ABLIM2: variants seen among roughly 807,000 people sequenced by gnomAD.
ABLIM2 encodes actin-binding LIM protein 2.
ABLIM2 carries 53 observed loss-of-function variants against 97.7 expected under a neutral mutation model. The ratio of observed to expected loss-of-function variants is 0.54; its 90% CI spans 0.44 to 0.68. The LOEUF (loss-of-function observed/expected upper bound fraction) is 0.68. Ranked by LOEUF, ABLIM2 falls within the 30% of genes least tolerant of loss-of-function variation. The pLI is 0.00. For missense variants in ABLIM2, 835 were observed against 867.2 expected, an observed-to-expected ratio of 0.96 and a Z score of 0.47; for synonymous variants, 361 against 345.8, an observed-to-expected ratio of 1.04 and a Z score of -0.49.
rs969536447 is a variant in ABLIM2 at position 8,023,682 on chromosome 4, G to C, written c.1268-3379C>G. On this transcript the variant is annotated intron_variant, in intron 12 of 20. Transcript: ENST00000447017. The surrounding 1 kb of genome is among the most constrained non-coding windows in gnomAD (Gnocchi z 5.7). ...TCCACATGTCAGGAGTGGGAGTTACGACCCCCTCCTGGAGGACGAGGCATC... is the reference window on the plus strand; with the variant it reads ...TCCACATGTCAGGAGTGGGAGTTACCACCCCCTCCTGGAGGACGAGGCATC... 6.6e-6 allele frequency among the ~76,000 whole-genome samples: 1 copy of C among 152,320 alleles called. No homozygotes were observed. The highest frequency in any genetic ancestry group is 2.1e-4 in the South Asian group (1 of 4,822).
chr4:7,998,621 G>A lies in ABLIM2; in HGVS notation c.1619-5694C>T. ...GTGCCTGCTGGCCACCTGCCCATCT[G>A]CTAGTGTGGCTGCAGGAGGAAAACA... is the stretch of plus-strand genomic sequence containing the variant. On this transcript the variant is annotated intron_variant, in intron 16 of 20. Transcript: ENST00000447017. The surrounding 1 kb of genome is among the most constrained non-coding windows in gnomAD (Gnocchi z 6.4). The A allele has an allele frequency of 2.0e-6, 1 of 503,540 alleles. No individual in the cohort carries two copies. Among genetic ancestry groups the A allele is most frequent in the Non-Finnish European group, 4.0e-6 (1 of 252,732 alleles). The allele number at this position is 503,540 out of a possible 1,614,324, so 31.2% of individuals were successfully genotyped here. A position where few individuals can be genotyped will look rare whatever the true frequency, so the allele number is the denominator to read the frequency against.
chr4:8,158,752 G>C lies in ABLIM2; in HGVS notation c.-63C>G, dbSNP rs1235874499. ...CGACAGCCAGACCCTCGGGCCCGCAGGTGCCGCGCCCGCGCTATCCTCCGC... is the reference window on the plus strand; with the variant it reads ...CGACAGCCAGACCCTCGGGCCCGCACGTGCCGCGCCCGCGCTATCCTCCGC... On this transcript the variant is annotated 5_prime_UTR_variant, in exon 1 of 21. Transcript: ENST00000447017. 1.5e-6 allele frequency: 2 copies of C among 1,331,488 alleles called. No individual in the cohort carries two copies. The highest frequency in any genetic ancestry group is 1.9e-6 in the Non-Finnish European group (2 of 1,043,548). 82.5% of individuals were successfully genotyped at this position (1,331,488 alleles called of 1,614,324 possible). A position where few individuals can be genotyped will look rare whatever the true frequency, so the allele number is the denominator to read the frequency against.
chr4:8,054,348 G>T lies in ABLIM2; in HGVS notation c.764-102C>A. 8.0e-7 allele frequency: 1 copy of T among 1,244,100 alleles called. No homozygotes were observed. Among genetic ancestry groups the T allele is most frequent in the Non-Finnish European group, 1.2e-6 (1 of 863,364 alleles). The allele number at this position is 1,244,100 out of a possible 1,614,324, so 77.1% of individuals were successfully genotyped here. A position where few individuals can be genotyped will look rare whatever the true frequency, so the allele number is the denominator to read the frequency against. On this transcript the variant is annotated intron_variant, in intron 7 of 20. Transcript: ENST00000447017. This position sits in a 1 kb window ranked among gnomAD's most constrained non-coding sequence, Gnocchi z 4.9. ...AGGGAGCTGGTCCATGCACAGACGT[G>T]CACTCGGACTCCACCCTCCAAGCGG...
At position 8,132,342 on chromosome 4, in the gene ABLIM2, A is replaced by G. The variant is rs1849554823; in HGVS notation, c.11-25705T>C. On this transcript the variant is annotated intron_variant, in intron 1 of 20. Transcript: ENST00000447017. This position sits in a 1 kb window ranked among gnomAD's most constrained non-coding sequence, Gnocchi z 8.0. ...GCTGCTTAAAAGCTGAGAAGTAATG[A>G]GATCAGGCCCTGACACATGGGACAG... 6.6e-6 allele frequency among the ~76,000 whole-genome samples: 1 copy of G among 152,210 alleles called. No homozygotes were observed. Among genetic ancestry groups the G allele is most frequent in the East Asian group, 1.9e-4 (1 of 5,194 alleles).
chr4:8,132,370 G>A lies in ABLIM2; in HGVS notation c.11-25733C>T, dbSNP rs553396843. Among the ~76,000 whole-genome samples, 1 of 152,326 alleles carries A rather than the reference G, an allele frequency of 6.6e-6. No homozygotes were observed. The highest frequency in any genetic ancestry group is 1.9e-4 in the East Asian group (1 of 5,188). On this transcript the variant is annotated intron_variant, in intron 1 of 20. Transcript: ENST00000447017. This position sits in a 1 kb window ranked among gnomAD's most constrained non-coding sequence, Gnocchi z 8.0. ...TCAGGCCCTGACACATGGGACAGGTGAGAGAGATTTTCACTGAGACTTAAA... is the reference window on the plus strand; with the variant it reads ...TCAGGCCCTGACACATGGGACAGGTAAGAGAGATTTTCACTGAGACTTAAA...
rs73074066 is a variant in ABLIM2 at position 8,058,982 on chromosome 4, T to C, written c.763+1985A>G. 0.036 allele frequency among the ~76,000 whole-genome samples: 5,447 copies of C among 152,120 alleles called. 343 individuals are homozygous for C. Among genetic ancestry groups the C allele is most frequent in the African/African-American group, 0.12 (5,180 of 41,494 alleles). On this transcript the variant is annotated intron_variant, in intron 7 of 20. Transcript: ENST00000447017. This position sits in a 1 kb window ranked among gnomAD's most constrained non-coding sequence, Gnocchi z 4.2. ...CCACCTGCTGCCCCAACCCTGCTCATTGGCTGCAACCCCCACTGTCTGCCA... is the reference window on the plus strand; with the variant it reads ...CCACCTGCTGCCCCAACCCTGCTCACTGGCTGCAACCCCCACTGTCTGCCA...
Position 8,154,051 on chromosome 4 carries a change from C to T in ABLIM2, c.10+4629G>A, listed in dbSNP as rs543379647. On this transcript the variant is annotated intron_variant, in intron 1 of 20. Transcript: ENST00000447017. ...GATCTCGGCTCACTGCAAGCTCTGC[C>T]TCCCAGGTTCACGCCATTCTCCTGC... Among the ~76,000 whole-genome samples, 280 of 150,086 alleles carry T rather than the reference C, an allele frequency of 1.9e-3. 1 individual carries two copies. The highest frequency in any genetic ancestry group is 6.0e-3 in the African/African-American group (244 of 40,856).
At chr4:8,156,028 T>C (rs1349901939) in intron 1 of ABLIM2, among the ~76,000 whole-genome samples, 1 of 152,210 alleles carries the variant, frequency 6.6e-6, no homozygotes, top group African/African-American at 2.4e-5. Flanking sequence ...TACTTTGTTA[T>C]GGAGCAAATT....
intron 20 of ABLIM2, among the ~76,000 whole-genome samples, chr4:7,968,999 G>A (rs890294674): frequency 2.0e-5 from 3 of 152,108 alleles, no homozygotes; most frequent in Admixed American, 1.3e-4. Context: ...AGGCATGGTG[G>A]CACATGCCTG....
chr4:8,054,446 G>C lies in ABLIM2; in HGVS notation c.764-200C>G, dbSNP rs1183559789. Among the ~76,000 whole-genome samples, 1 of 152,222 alleles carries C rather than the reference G, an allele frequency of 6.6e-6. No individual in the cohort carries two copies. The highest frequency in any genetic ancestry group is 1.5e-5 in the Non-Finnish European group (1 of 68,034). ...CCAGATCACAGTCCCCGCCCCTCAGGGGCTCACAGCCCAGTTGTGGGACGG... is the reference window on the plus strand; with the variant it reads ...CCAGATCACAGTCCCCGCCCCTCAGCGGCTCACAGCCCAGTTGTGGGACGG... On this transcript the variant is annotated intron_variant, in intron 7 of 20. Transcript: ENST00000447017. The surrounding 1 kb of genome is among the most constrained non-coding windows in gnomAD (Gnocchi z 4.9).
chr4:8,139,615 G>A (rs1850671692), intron 1 of ABLIM2, among the ~76,000 whole-genome samples: 1 of 152,184 alleles, frequency 6.6e-6, no homozygotes, highest in South Asian at 2.1e-4. Context: ...ATGCTTGCGA[G>A]GCTGTGGAGA....
At chr4:8,131,825 CAGCACAGCAGCCCGCATCCCTG>C (rs1444531484) in intron 1 of ABLIM2, among the ~76,000 whole-genome samples, 2 of 130,718 alleles carry the variant, frequency 1.5e-5, no homozygotes, top group African/African-American at 7.1e-5. Context: ...CCCGCATCCC[CAGCACAGCAGCCCGCATCCCTG>C]AGCACAGCAG....
rs945670660 is a variant in ABLIM2, at chr4:8,054,346, G to A, written c.764-100C>T. The A allele has an allele frequency of 4.1e-5, 52 of 1,276,926 alleles. No individual in the cohort carries two copies. The highest frequency in any genetic ancestry group is 6.3e-5 in the South Asian group (5 of 79,686). 79.1% of individuals were successfully genotyped at this position (1,276,926 alleles called of 1,614,324 possible). On this transcript the variant is annotated intron_variant, in intron 7 of 20. Transcript: ENST00000447017. This position sits in a 1 kb window ranked among gnomAD's most constrained non-coding sequence, Gnocchi z 4.9. ...GGAGGGAGCTGGTCCATGCACAGAC[G>A]TGCACTCGGACTCCACCCTCCAAGC...
Position 8,127,646 on chromosome 4 carries a change from G to A in ABLIM2, c.11-21009C>T. 1 of 1,287,072 alleles carries A rather than the reference G, an allele frequency of 7.8e-7. No individual in the cohort carries two copies. The highest frequency in any genetic ancestry group is 1.0e-6 in the Non-Finnish European group (1 of 986,872). The allele number at this position is 1,287,072 out of a possible 1,614,324, so 79.7% of individuals were successfully genotyped here. ...CGTGGCTGGGCCTGGCACCCACGGA[G>A]GATCGGGCAGGAGTGGACCGGGGAA... On this transcript the variant is annotated intron_variant, in intron 1 of 20. Coordinates refer to ENST00000447017, the MANE Select transcript of ABLIM2 (RefSeq NM_001130083.2). The surrounding 1 kb of genome is among the most constrained non-coding windows in gnomAD (Gnocchi z 7.3).
In ABLIM2 at chr4:8,029,745, C is replaced by T. The variant is rs753512967; in HGVS notation, c.1079G>A (p.Cys360Tyr). ...GDQDDRSYKQ[C>Y]RTSSPSSTGS... The stretch of plus-strand genomic sequence containing the variant: ...AGTGGAGCTTGGGCTGGAGGTCCGA[C>T]ACTGCTTGTAGGACCGGTCATCCTG... The change falls in exon 11 of 21, where the codon TGT becomes TAT. Residue 360 changes from cysteine to tyrosine, a missense_variant. Physicochemically the swap from Cys to Tyr is radical, Grantham distance 194. Coordinates refer to ENST00000447017, the MANE Select transcript of ABLIM2 (RefSeq NM_001130083.2). The T allele has an allele frequency of 1.3e-6, 2 of 1,564,410 alleles. No homozygotes were observed. The highest frequency in any genetic ancestry group is 1.9e-5 in the Admixed American group (1 of 52,902).
chr4:8,154,589 T>G (rs1220359199), intron 1 of ABLIM2, among the ~76,000 whole-genome samples: 3 of 152,258 alleles, frequency 2.0e-5, no homozygotes, highest in African/African-American at 7.2e-5. Flanking sequence ...CAATTAAACC[T>G]GTTTTCTTAA....
At chr4:8,103,705 T>C (rs1187687346) in intron 2 of ABLIM2, among the ~76,000 whole-genome samples, 1 of 152,214 alleles carries the variant, frequency 6.6e-6, no homozygotes, top group Non-Finnish European at 1.5e-5. Context: ...GTTATGGTTA[T>C]TCCCACATCC....
chr4:8,081,203 C>A (rs886280945), intron 4 of ABLIM2, among the ~76,000 whole-genome samples: 1 of 152,176 alleles, frequency 6.6e-6, no homozygotes, highest in African/African-American at 2.4e-5. Flanking sequence ...AGCCCCCAGC[C>A]CCCAACCCCG....
chr4:8,052,990 C>T (rs1797002571), intron 8 of ABLIM2, among the ~76,000 whole-genome samples: 1 of 152,198 alleles, frequency 6.6e-6, no homozygotes, highest in Non-Finnish European at 1.5e-5. Flanking sequence ...GCCTGTGGGC[C>T]TTAGGGGTGT....
Sources: allele counts gnomAD v4.1 joint callset (sites outside exome capture counted in the v4.1 genomes callset), GRCh38; gene constraint gnomAD v4.1.1; non-coding constraint Gnocchi (gnomAD v3.1); transcripts MANE v1.5; gene names NCBI Gene and HGNC (gene_info 2026-07-23, HGNC 2026-07-21).